TEX9: variants seen among roughly 807,000 people sequenced by gnomAD.
TEX9 encodes testis expressed 9.
A neutral mutation model predicts 59.6 loss-of-function variants in TEX9; 74 were observed. The ratio of observed to expected loss-of-function variants is 1.24; its 90% CI spans 1.03 to 1.51. The LOEUF (loss-of-function observed/expected upper bound fraction) is 1.51. Ranked by LOEUF, TEX9 falls within the 40% of genes most tolerant of loss-of-function variation. The pLI is 0.00. For missense variants in TEX9, 522 were observed against 447.8 expected, an observed-to-expected ratio of 1.17 and a Z score of -1.49; for synonymous variants, 186 against 152.2, an observed-to-expected ratio of 1.22 and a Z score of -1.64.
chr15:56,450,438 C>A (rs1282113634), downstream of TEX9, among the ~76,000 whole-genome samples: 3 of 152,084 alleles, frequency 2.0e-5, no homozygotes, highest in Non-Finnish European at 4.4e-5. Context: ...CTCCCTAACC[C>A]CTGGAATTCC....
chr15:56,253,493 T>C (rs2044075810), intron 1 of TEX9, among the ~76,000 whole-genome samples: 1 of 152,184 alleles, frequency 6.6e-6, no homozygotes, highest in African/African-American at 2.4e-5. Flanking sequence ...GTATCCCTTC[T>C]GAGGTCCCTA....
intron 3 of TEX9, 62 bp from the exon 4 acceptor site, chr15:56,383,890 A>G (rs2047845161): frequency 8.0e-7 from 1 of 1,244,580 alleles, no homozygotes; most frequent in Admixed American, 2.1e-5. Flanking sequence ...AGGCACTTGA[A>G]TATATCTTAA....
intron 1 of TEX9, among the ~76,000 whole-genome samples, chr15:56,336,066 C>G (rs1448604426): frequency 6.6e-6 from 1 of 152,196 alleles, no homozygotes; most frequent in Non-Finnish European, 1.5e-5. Context: ...ATCATGGTCT[C>G]CCATGTGCAG....
intron 3 of TEX9, among the ~76,000 whole-genome samples, chr15:56,377,129 C>T (rs2047494795): frequency 6.6e-6 from 1 of 152,064 alleles, no homozygotes; most frequent in African/African-American, 2.4e-5. Context: ...TGTTTTTATG[C>T]CAGTACTCAG....
intron 1 of TEX9, among the ~76,000 whole-genome samples, chr15:56,332,324 A>G (rs1232528688): frequency 6.6e-6 from 1 of 151,854 alleles, no homozygotes; most frequent in African/African-American, 2.4e-5. Flanking sequence ...TTGTAGGGAC[A>G]TGGATGAAAT....
chr15:56,388,864 T>A (rs2142241378), intron 5 of TEX9, among the ~76,000 whole-genome samples: 1 of 152,160 alleles, frequency 6.6e-6, no homozygotes, highest in African/African-American at 2.4e-5. Context: ...TTGAAAAGTT[T>A]GTTTGTTCAT....
chr15:56,432,066 T>C (rs1464993460), intron 12 of TEX9, among the ~76,000 whole-genome samples: 1 of 152,186 alleles, frequency 6.6e-6, no homozygotes, highest in African/African-American at 2.4e-5. Context: ...AATTTGAGAC[T>C]GTACTTGCAT....
At chr15:56,318,260 T>C (rs928735034) in intron 1 of TEX9, among the ~76,000 whole-genome samples, 15 of 152,174 alleles carry the variant, frequency 9.9e-5, no homozygotes, top group African/African-American at 3.6e-4. Flanking sequence ...AAAGTCCTTC[T>C]TTGTCTCTGT....
intron 1 of TEX9, among the ~76,000 whole-genome samples, chr15:56,348,416 C>T (rs530583817): frequency 2.0e-5 from 3 of 152,018 alleles, no homozygotes; most frequent in Non-Finnish European, 4.4e-5. Flanking sequence ...CTATAGCATT[C>T]TTTGTAGTAT....
downstream of TEX9, chr15:56,446,801 TA>T: frequency 6.9e-7 from 1 of 1,439,008 alleles, no homozygotes. Context: ...TTTTATTTTC[TA>T]AATGAAGCTA....
chr15:56,394,063 C>A, intron 7 of TEX9, 102 bp from the exon 8 acceptor site: 1 of 1,049,414 alleles, frequency 9.5e-7, no homozygotes, highest in Non-Finnish European at 1.4e-6. Flanking sequence ...TTTGACTCCC[C>A]ATCTTGAGTA....
At chr15:56,432,874 A>G (rs2050635001) in intron 12 of TEX9, among the ~76,000 whole-genome samples, 1 of 152,196 alleles carries the variant, frequency 6.6e-6, no homozygotes, top group Non-Finnish European at 1.5e-5. Flanking sequence ...GAAGTCATGT[A>G]AGTCTCACTT....
At chr15:56,268,808 A>G (rs1240863353) in intron 1 of TEX9, among the ~76,000 whole-genome samples, 3 of 152,124 alleles carry the variant, frequency 2.0e-5, no homozygotes, top group Admixed American at 6.5e-5. Flanking sequence ...TGTCTCTGCC[A>G]GGCTTTGGTA....
chr15:56,440,444 C>T (rs1596259381), intron 12 of TEX9, among the ~76,000 whole-genome samples: 1 of 152,238 alleles, frequency 6.6e-6, no homozygotes. Context: ...TACCACAAAA[C>T]CCAGCTAATA....
rs923724258 is a variant in TEX9, at chr15:56,389,201, A to G, written c.313-117A>G. 34 of 787,442 alleles carry G rather than the reference A, an allele frequency of 4.3e-5. No individual in the cohort carries two copies. In the East Asian group the frequency reaches 8.0e-4, roughly 19 times the overall value. 48.8% of individuals were successfully genotyped at this position (787,442 alleles called of 1,614,324 possible). A position where few individuals can be genotyped will look rare whatever the true frequency, so the allele number is the denominator to read the frequency against. On this transcript the variant is annotated intron_variant, in intron 5 of 12. Transcript: ENST00000352903. ...TTGAAAACACATTTTTGGTAATTCC[A>G]TGAAAATAGCAAATAGCAGTTTTTC... is the stretch of plus-strand genomic sequence containing the variant.
intron 1 of TEX9, among the ~76,000 whole-genome samples, chr15:56,349,176 T>C (rs1297708948): frequency 6.6e-6 from 1 of 152,176 alleles, no homozygotes; most frequent in Non-Finnish European, 1.5e-5. Flanking sequence ...TTTCTTTGTA[T>C]GTCAAGTAAA....
intron 1 of TEX9, among the ~76,000 whole-genome samples, chr15:56,278,356 T>C (rs1261678860): frequency 6.6e-6 from 1 of 152,210 alleles, no homozygotes; most frequent in Non-Finnish European, 1.5e-5. Flanking sequence ...GCAAGGCAGA[T>C]AATGTGAAAG....
intron 1 of TEX9, among the ~76,000 whole-genome samples, chr15:56,281,916 A>G (rs2044828835): frequency 6.6e-6 from 1 of 152,186 alleles, no homozygotes; most frequent in Non-Finnish European, 1.5e-5. Context: ...AATTCACAAG[A>G]TACTGTTTTC....
intron 1 of TEX9, among the ~76,000 whole-genome samples, chr15:56,327,278 A>G (rs1004501675): frequency 3.9e-5 from 6 of 152,164 alleles, no homozygotes; most frequent in African/African-American, 1.4e-4. Context: ...CTGATTGGAC[A>G]TTTAGATTAG....
Sources: gnomAD v4.1 joint callset for allele counts (sites outside exome capture counted in the v4.1 genomes callset) on GRCh38, gnomAD v4.1.1 for gene constraint, MANE v1.5 for transcripts, NCBI Gene and HGNC (gene_info 2026-07-23, HGNC 2026-07-21) for gene names.